RPAP3: variants seen among roughly 807,000 people sequenced by gnomAD.
RPAP3 encodes the protein RNA polymerase II associated protein 3.
RPAP3 carries 58 observed loss-of-function variants against 88.8 expected under a neutral mutation model. That is an observed-to-expected ratio of 0.65 (90% CI 0.53 to 0.81). The LOEUF (loss-of-function observed/expected upper bound fraction) is 0.81, where lower values mean the gene tolerates loss of function less well. Among genes scored for constraint, RPAP3 ranks in the 40% least tolerant of loss-of-function variants. The pLI is 0.00. For synonymous variants in RPAP3, 255 were observed against 259.9 expected, an observed-to-expected ratio of 0.98 and a Z score of 0.18; for missense variants, 751 against 764.3, an observed-to-expected ratio of 0.98 and a Z score of 0.20.
intron 12 of RPAP3, among the ~76,000 whole-genome samples, chr12:47,675,034 C>T (rs1465838259): frequency 1.3e-5 from 2 of 152,180 alleles, no homozygotes; most frequent in Non-Finnish European, 2.9e-5. Flanking sequence ...GCCCATCAGA[C>T]TAACAGCAGA....
At chr12:47,687,211 C>G (rs779052637) in intron 8 of RPAP3, among the ~76,000 whole-genome samples, 4 of 152,018 alleles carry the variant, frequency 2.6e-5, no homozygotes, top group Non-Finnish European at 5.9e-5. Flanking sequence ...CCTATTTTAA[C>G]AAAGGTCCAA....
At chr12:47,665,036 A>T (rs1938841355) in intron 16 of RPAP3, among the ~76,000 whole-genome samples, 1 of 152,114 alleles carries the variant, frequency 6.6e-6, no homozygotes, top group African/African-American at 2.4e-5. Context: ...AAGATATTCT[A>T]CGTTGAGAGA....
At chr12:47,705,641 C>T (rs1939776874) in intron 1 of RPAP3, among the ~76,000 whole-genome samples, 1 of 152,320 alleles carries the variant, frequency 6.6e-6, no homozygotes, top group South Asian at 2.1e-4. Flanking sequence ...CGCAAGGGGG[C>T]GGGCCCCACC....
Position 47,661,882 on chromosome 12 carries a change from G to A in RPAP3, c.*1623C>T, listed in dbSNP as rs1592463430. ...TGACTACCTTGTAAGTTTCTTCAAA[G>A]GATCATACCGTAGTCCATTCGGGTT... is the stretch of plus-strand genomic sequence containing the variant. On this transcript the variant is annotated 3_prime_UTR_variant, in exon 17 of 17. Transcript: ENST00000005386. The A allele has an allele frequency of 6.6e-6, 1 of 152,256 alleles. No individual in the cohort carries two copies. The highest frequency in any genetic ancestry group is 1.9e-4 in the East Asian group (1 of 5,188). The allele number at this position is 152,256 out of a possible 1,614,324, so 9.4% of individuals were successfully genotyped here.
At chr12:47,669,559 A>G (rs1335249007) in intron 13 of RPAP3, among the ~76,000 whole-genome samples, 2 of 152,310 alleles carry the variant, frequency 1.3e-5, no homozygotes, top group Non-Finnish European at 2.9e-5. Context: ...AGTTTAAAAG[A>G]AAAAAACAAC....
At chr12:47,694,697 A>AG (rs36112207) in intron 5 of RPAP3, among the ~76,000 whole-genome samples, 1 of 151,936 alleles carries the variant, frequency 6.6e-6, no homozygotes, top group African/African-American at 2.4e-5. Context: ...GGCATTTCAC[A>AG]GGGAAAAAAA....
chr12:47,703,457 T>C (rs890391030), intron 1 of RPAP3, among the ~76,000 whole-genome samples: 9 of 152,226 alleles, frequency 5.9e-5, no homozygotes, highest in Non-Finnish European at 1.2e-4. Context: ...CTCTCATGGA[T>C]TGTGACAACG....
At chr12:47,666,919 T>C in intron 16 of RPAP3, 61 bp downstream of exon 16, 2 of 733,976 alleles carry the variant, frequency 2.7e-6, no homozygotes, top group Admixed American at 3.0e-5. Flanking sequence ...TCAGCTATTA[T>C]TTGTTGAATG....
At chr12:47,701,897 T>C (rs1203911030) in intron 2 of RPAP3, among the ~76,000 whole-genome samples, 1 of 152,198 alleles carries the variant, frequency 6.6e-6, no homozygotes, top group Non-Finnish European at 1.5e-5. Flanking sequence ...CGACCTATCT[T>C]CAGCCTTAGT....
intron 16 of RPAP3, among the ~76,000 whole-genome samples, chr12:47,664,095 AAAT>A (rs1463669972): frequency 6.6e-6 from 1 of 152,216 alleles, no homozygotes; most frequent in Non-Finnish European, 1.5e-5. Context: ...TACATGTTAA[AAAT>A]AAGATCATGG....
At chr12:47,669,703 C>T (rs1938956677) in intron 13 of RPAP3, among the ~76,000 whole-genome samples, 1 of 151,916 alleles carries the variant, frequency 6.6e-6, no homozygotes, top group Non-Finnish European at 1.5e-5. Context: ...TTTTAAATGC[C>T]AAACAAAAGT....
chr12:47,683,378 T>G (rs1482883645), intron 9 of RPAP3, among the ~76,000 whole-genome samples: 1 of 152,214 alleles, frequency 6.6e-6, no homozygotes, highest in Non-Finnish European at 1.5e-5. Flanking sequence ...ACAGAACACC[T>G]GATACATTTT....
intron 12 of RPAP3, among the ~76,000 whole-genome samples, chr12:47,677,164 C>T (rs920717399): frequency 1.3e-5 from 2 of 152,148 alleles, no homozygotes; most frequent in Non-Finnish European, 2.9e-5. Context: ...CCAATAGATG[C>T]AGAAAAGGCC....
intron 6 of RPAP3, 95 bp from the exon 7 acceptor site, chr12:47,689,290 A>G: frequency 1.7e-6 from 1 of 576,018 alleles, no homozygotes; most frequent in South Asian, 2.1e-5. Context: ...CAATCAGGCA[A>G]CTGTCCTACA....
At chr12:47,705,707 G>T (rs879653004) in intron 1 of RPAP3, among the ~76,000 whole-genome samples, 1 of 152,170 alleles carries the variant, frequency 6.6e-6, no homozygotes, top group Non-Finnish European at 1.5e-5. Context: ...ATCGCAGCAG[G>T]GTGGAGGGTC....
intron 2 of RPAP3, 51 bp from the exon 3 acceptor site, chr12:47,701,655 C>G: frequency 7.6e-7 from 1 of 1,315,774 alleles, no homozygotes. Context: ...CTCTGTTACT[C>G]TTTGTATAAC....
At chr12:47,673,444 CAAAAAA>C (rs35080899) in intron 12 of RPAP3, among the ~76,000 whole-genome samples, 1 of 60,766 alleles carries the variant, frequency 1.6e-5, no homozygotes, top group Admixed American at 1.2e-4. Context: ...AACTCCGTCT[CAAAAAA>C]AAAAAAAAAA....
intron 12 of RPAP3, among the ~76,000 whole-genome samples, chr12:47,675,747 A>T (rs2136616524): frequency 6.6e-6 from 1 of 152,358 alleles, no homozygotes; most frequent in African/African-American, 2.4e-5. Flanking sequence ...TCATAAAGCA[A>T]GTCCTTAGAG....
At chr12:47,687,047 A>G in intron 8 of RPAP3, 140 bp from the exon 9 acceptor site, 2 of 539,892 alleles carry the variant, frequency 3.7e-6, no homozygotes, top group East Asian at 6.4e-5. Context: ...GGCCCATGAG[A>G]CACGTTTTAA....
Sources: gnomAD v4.1 joint callset for allele counts (sites outside exome capture counted in the v4.1 genomes callset) on GRCh38, gnomAD v4.1.1 for gene constraint, MANE v1.5 for transcripts, NCBI Gene and HGNC (gene_info 2026-07-23, HGNC 2026-07-21) for gene names.